Variants in LGR6 observed in about 807,000 individuals in gnomAD.
LGR6 encodes leucine-rich repeat-containing G protein-coupled receptor 6.
A neutral mutation model predicts 69.4 loss-of-function variants in LGR6; 45 were observed. That is an observed-to-expected ratio of 0.65 (90% CI 0.51 to 0.83). LGR6 has a LOEUF of 0.83. Among genes scored for constraint, LGR6 ranks in the 40% least tolerant of loss-of-function variants. The pLI is 0.00. For missense variants in LGR6, 1,108 were observed against 1,246.7 expected (o/e 0.89, Z 1.68); for synonymous variants, 538 against 555.0 (o/e 0.97, Z 0.43).
chr1:202,271,828 A>G (rs1006326830), intron 4 of LGR6, among the ~76,000 whole-genome samples: 8 of 151,056 alleles, frequency 5.3e-5, no homozygotes, highest in African/African-American at 4.8e-5. Flanking sequence ...AAAAAAAAAA[A>G]AGAGAGAGGG....
chr1:202,280,377 T>C (rs1469150131), intron 5 of LGR6, among the ~76,000 whole-genome samples: 2 of 152,202 alleles, frequency 1.3e-5, no homozygotes, highest in Admixed American at 1.3e-4. Flanking sequence ...TGCAGTGGTT[T>C]GCTGTTGGCT....
At chr1:202,266,758 T>C (rs557390877) in intron 4 of LGR6, among the ~76,000 whole-genome samples, 1 of 152,266 alleles carries the variant, frequency 6.6e-6, no homozygotes, top group South Asian at 2.1e-4. Flanking sequence ...TCCTCAAGAC[T>C]CACATGAATG....
At chr1:202,262,857 T>A (rs1664344501) in intron 4 of LGR6, among the ~76,000 whole-genome samples, 1 of 152,240 alleles carries the variant, frequency 6.6e-6, no homozygotes, top group Non-Finnish European at 1.5e-5. Flanking sequence ...GAATTTTGCT[T>A]TTTTAATTTA....
chr1:202,251,332 T>C (rs1033614565), intron 4 of LGR6, among the ~76,000 whole-genome samples: 2 of 152,134 alleles, frequency 1.3e-5, no homozygotes, highest in African/African-American at 4.8e-5. Context: ...CGATACAGTG[T>C]CTTCTGCAGC....
intron 1 of LGR6, chr1:202,197,306 C>T (rs1658676542): frequency 2.1e-6 from 1 of 477,712 alleles, no homozygotes; most frequent in Admixed American, 2.4e-5. Context: ...GTATTCTTTG[C>T]CTTGACACAC....
At chr1:202,208,980 C>A (rs973575199) in intron 1 of LGR6, among the ~76,000 whole-genome samples, 2 of 152,128 alleles carry the variant, frequency 1.3e-5, no homozygotes, top group Non-Finnish European at 2.9e-5. Context: ...CTTCTGACAC[C>A]TTACTCCAGC....
intron 5 of LGR6, among the ~76,000 whole-genome samples, chr1:202,277,593 A>G (rs199664918): frequency 1.3e-5 from 2 of 152,100 alleles, no homozygotes; most frequent in East Asian, 3.9e-4. Context: ...TAAGAACTTC[A>G]TGGTTGGCCC....
Position 202,226,865 on chromosome 1 carries a change from G to C in LGR6, c.285-1071G>C, listed in dbSNP as rs978012285. 2.6e-5 allele frequency among the ~76,000 whole-genome samples: 4 copies of C among 152,356 alleles called. No homozygotes were observed. In the East Asian group the frequency reaches 5.8e-4, roughly 22 times the overall value. ...TTTTCAAAGGAGACGGACAGGGTAA[G>C]AGGCAGTGGAGGGGCCTTTTGAAGG... On this transcript the variant is annotated intron_variant, in intron 2 of 17. Coordinates refer to ENST00000367278, the MANE Select transcript of LGR6 (RefSeq NM_001017403.2).
At chr1:202,272,581 CA>C (rs1665194252) in intron 4 of LGR6, among the ~76,000 whole-genome samples, 1 of 152,210 alleles carries the variant, frequency 6.6e-6, no homozygotes, top group Non-Finnish European at 1.5e-5. Context: ...AGGCTCAGCC[CA>C]TCCAGCCCTT....
intron 1 of LGR6, among the ~76,000 whole-genome samples, chr1:202,215,020 T>TGTGC (rs144255206): frequency 0.018 from 2,455 of 135,870 alleles, 29 homozygotes; most frequent in South Asian, 0.05. Flanking sequence ...TGTGTGTGTG[T>TGTGC]GCGCGCGCGC....
chr1:202,198,570 G>T (rs1244136680), intron 1 of LGR6, among the ~76,000 whole-genome samples: 1 of 152,158 alleles, frequency 6.6e-6, no homozygotes, highest in Non-Finnish European at 1.5e-5. Context: ...TTCTATGAAA[G>T]GCATAGGATA....
intron 1 of LGR6, among the ~76,000 whole-genome samples, chr1:202,208,017 T>C (rs1438624563): frequency 1.3e-5 from 2 of 152,184 alleles, no homozygotes; most frequent in African/African-American, 2.4e-5. Context: ...ATCCTACCAC[T>C]GACCTGCAGA....
In LGR6 at chr1:202,300,952, C is replaced by T. The variant is rs200743881; in HGVS notation, c.857+32C>T. ...ACTACTTTCTCTGGTCTCTTAATGCCGAACAGTGTTTCAGGGAGGAGGACA... is the reference window on the plus strand; with the variant it reads ...ACTACTTTCTCTGGTCTCTTAATGCTGAACAGTGTTTCAGGGAGGAGGACA... On this transcript the variant is annotated intron_variant, in intron 8 of 17. Transcript: ENST00000367278. 299 of 1,567,174 alleles carry T rather than the reference C, an allele frequency of 1.9e-4. 2 individuals are homozygous for T. The African/African-American group carries it at 2.7e-3, about 14-fold the overall frequency.
chr1:202,242,018 G>A (rs1259262307), intron 4 of LGR6, among the ~76,000 whole-genome samples: 2 of 152,198 alleles, frequency 1.3e-5, no homozygotes, highest in Non-Finnish European at 2.9e-5. Flanking sequence ...GAGGAAAAAG[G>A]TGGAGAAGCC....
At chr1:202,314,602 C>A (rs1176215716) in intron 16 of LGR6, among the ~76,000 whole-genome samples, 200 bp from the exon 17 acceptor site, 3 of 152,210 alleles carry the variant, frequency 2.0e-5, no homozygotes, top group African/African-American at 7.2e-5. Context: ...CTCTTCAGTG[C>A]AGATAATCCA....
chr1:202,201,584 C>T (rs562515292), intron 1 of LGR6, among the ~76,000 whole-genome samples: 1 of 152,198 alleles, frequency 6.6e-6, no homozygotes, highest in South Asian at 2.1e-4. Flanking sequence ...CCCTCCTACC[C>T]ACTTTATCTA....
At chr1:202,210,978 G>T (rs1165693196) in intron 1 of LGR6, among the ~76,000 whole-genome samples, 2 of 152,234 alleles carry the variant, frequency 1.3e-5, no homozygotes, top group Non-Finnish European at 2.9e-5. Context: ...TAAGCATGAG[G>T]CAGGAGACAA....
At chr1:202,200,735 C>T (rs763644798) in intron 1 of LGR6, among the ~76,000 whole-genome samples, 4 of 152,164 alleles carry the variant, frequency 2.6e-5, no homozygotes, top group Admixed American at 2.0e-4. Context: ...TCTCTCCTCC[C>T]GCCCTTCAGA....
At chr1:202,205,534 C>T (rs1203501513) in intron 1 of LGR6, among the ~76,000 whole-genome samples, 3 of 125,698 alleles carry the variant, frequency 2.4e-5, no homozygotes, top group Non-Finnish European at 5.0e-5. Context: ...CAAGCACACA[C>T]ACACACCTCC....
Sources: gnomAD v4.1 joint callset for allele counts (sites outside exome capture counted in the v4.1 genomes callset) on GRCh38, gnomAD v4.1.1 for gene constraint, MANE v1.5 for transcripts, NCBI Gene and HGNC (gene_info 2026-07-23, HGNC 2026-07-21) for gene names.